The following MSANTD7 variants were observed in gnomAD, a reference collection of about 807,000 sequenced individuals.
The protein encoded by MSANTD7 is Myb/SANT DNA binding domain containing 7, also known as zinc finger and SCAN domain containing 29.
At chr10:14,843,335 A>G in the MSANTD7 span, 1 of 1,549,984 alleles carries the variant, frequency 6.5e-7, no homozygotes, top group Non-Finnish European at 8.7e-7. Flanking sequence ...CTTAGCAGGA[A>G]TGTTCTCTTT....
At chr10:14,841,912 ATTG>A in the MSANTD7 span, among the ~76,000 whole-genome samples, 43 of 152,284 alleles carry the variant, frequency 2.8e-4, no homozygotes, top group Middle Eastern at 3.4e-3. Flanking sequence ...TTACAGATCC[ATTG>A]TTGTACCAAC....
the MSANTD7 span, chr10:14,842,311 C>G: frequency 6.5e-7 from 1 of 1,535,950 alleles, no homozygotes; most frequent in South Asian, 1.2e-5. The surrounding 1 kb of genome is among the most constrained non-coding windows in gnomAD (Gnocchi z 5.2). Context: ...GCAGTGCGGG[C>G]ATCCGGTGGT....
At chr10:14,838,609 G>A in the MSANTD7 span, 1 of 717,360 alleles carries the variant, frequency 1.4e-6, no homozygotes, top group South Asian at 2.0e-5. Context: ...CGAAGGGCCG[G>A]GCAGGCCCGG....
At chr10:14,845,461 G>A in the MSANTD7 span, 2 of 985,316 alleles carry the variant, frequency 2.0e-6, no homozygotes, top group African/African-American at 1.7e-5. Flanking sequence ...CAAGCGAGCT[G>A]CTCTGCCAAG....
chr10:14,845,307 A>G, the MSANTD7 span: 1 of 985,484 alleles, frequency 1.0e-6, no homozygotes, highest in Non-Finnish European at 1.2e-6. Flanking sequence ...AGAAGTTGGA[A>G]AAATAACAAA....
chr10:14,842,342 C>T, the MSANTD7 span: 1 of 1,536,154 alleles, frequency 6.5e-7, no homozygotes, highest in Non-Finnish European at 8.7e-7. This position sits in a 1 kb window ranked among gnomAD's most constrained non-coding sequence, Gnocchi z 5.2. Context: ...GACACGAACT[C>T]TTCTCTCCAT....
chr10:14,842,624 G>A, the MSANTD7 span: 1 of 1,536,190 alleles, frequency 6.5e-7, no homozygotes, highest in Non-Finnish European at 8.7e-7. The surrounding 1 kb of genome is among the most constrained non-coding windows in gnomAD (Gnocchi z 5.2). Context: ...CTTAATGGAG[G>A]ATGCTGCTTG....
At chr10:14,842,116 TC>T in the MSANTD7 span, 1 of 1,517,320 alleles carries the variant, frequency 6.6e-7, no homozygotes, top group East Asian at 2.5e-5. This position sits in a 1 kb window ranked among gnomAD's most constrained non-coding sequence, Gnocchi z 5.2. Context: ...TAACTCTCAT[TC>T]CCCTGTGGCC....
the MSANTD7 span, among the ~76,000 whole-genome samples, chr10:14,838,728 G>A: frequency 2.0e-5 from 3 of 152,202 alleles, no homozygotes; most frequent in East Asian, 3.9e-4. Context: ...TGCCCGGAGG[G>A]GTCCCAGGGA....
the MSANTD7 span, chr10:14,846,600 T>A: frequency 4.1e-6 from 4 of 969,814 alleles, no homozygotes; most frequent in Non-Finnish European, 4.9e-6. Flanking sequence ...GAAAAGCTTT[T>A]CCAGCATTCC....
chr10:14,841,245 C>G, the MSANTD7 span: 1 of 152,100 alleles, frequency 6.6e-6, no homozygotes, highest in Non-Finnish European at 1.5e-5. Flanking sequence ...ATCCCCATAT[C>G]CTTTTACCTA....
chr10:14,845,595 ATTAT>A, the MSANTD7 span: 1 of 909,218 alleles, frequency 1.1e-6, no homozygotes, highest in Non-Finnish European at 1.3e-6. Flanking sequence ...TTCTATTATT[ATTAT>A]TTTTTTTTTT....
chr10:14,845,611 TGAGAAAAAGTCTCAC>T, the MSANTD7 span: 1 of 815,898 alleles, frequency 1.2e-6, no homozygotes, highest in Non-Finnish European at 1.5e-6. Flanking sequence ...TTTTTTTTTT[TGAGAAAAAGTCTCAC>T]TGTTTTGCCC....
chr10:14,841,587 G>A, the MSANTD7 span, among the ~76,000 whole-genome samples: 4 of 152,122 alleles, frequency 2.6e-5, no homozygotes, highest in African/African-American at 9.7e-5. Context: ...TCTCTCCCCT[G>A]GTAGCCAACA....
the MSANTD7 span, chr10:14,846,683 G>A: frequency 1.0e-6 from 1 of 961,248 alleles, no homozygotes; most frequent in Non-Finnish European, 1.2e-6. Context: ...GTGTTGTGAG[G>A]ATCAAAGGAA....
At chr10:14,845,449 G>A in the MSANTD7 span, 13 of 985,346 alleles carry the variant, frequency 1.3e-5, no homozygotes, top group Non-Finnish European at 1.4e-5. Flanking sequence ...ATGAGTAGAC[G>A]GCAAGCGAGC....
chr10:14,840,413 T>G, the MSANTD7 span, among the ~76,000 whole-genome samples: 1 of 152,208 alleles, frequency 6.6e-6, no homozygotes, highest in Non-Finnish European at 1.5e-5. Flanking sequence ...GGTGGTAATT[T>G]GGATTGTTCA....
the MSANTD7 span, chr10:14,839,878 CTA>C: frequency 1.5e-5 from 24 of 1,571,748 alleles, no homozygotes; most frequent in Non-Finnish European, 1.8e-5. Context: ...TCTAATGAGA[CTA>C]TGTATTTCGT....
the MSANTD7 span, chr10:14,843,419 G>C: frequency 6.4e-7 from 1 of 1,550,758 alleles, no homozygotes; most frequent in African/African-American, 1.4e-5. Context: ...AGCCTTTTCA[G>C]AGGTGCAGTT....
Sources: allele counts gnomAD v4.1 joint callset (sites outside exome capture counted in the v4.1 genomes callset), GRCh38; gene constraint gnomAD v4.1.1; non-coding constraint Gnocchi (gnomAD v3.1); transcripts MANE v1.5; gene names NCBI Gene and HGNC (gene_info 2026-07-23, HGNC 2026-07-21).